The following ADAM32 variants were observed in gnomAD, a reference collection of about 807,000 sequenced individuals.
ADAM32 encodes ADAM metallopeptidase domain 32.
ADAM32 carries 89 observed loss-of-function variants against 114.9 expected under a neutral mutation model. The ratio of observed to expected loss-of-function variants is 0.77; its 90% CI spans 0.65 to 0.92. ADAM32 has a LOEUF of 0.92. Ranked by LOEUF, ADAM32 falls within the 40% of genes least tolerant of loss-of-function variation. The probability of loss-of-function intolerance (pLI) is 0.00; values close to 1 mark genes in which losing one functional copy is unlikely to be tolerated. For synonymous variants in ADAM32, 285 were observed against 307.5 expected, an observed-to-expected ratio of 0.93 and a Z score of 0.77; for missense variants, 870 against 932.8, an observed-to-expected ratio of 0.93 and a Z score of 0.88.
At chr8:39,261,783 G>T (rs1483833371) in intron 19 of ADAM32, among the ~76,000 whole-genome samples, 1 of 151,872 alleles carries the variant, frequency 6.6e-6, no homozygotes, top group Non-Finnish European at 1.5e-5. Context: ...GTTTTGATTT[G>T]CATTTCTATG....
chr8:39,153,658 G>C (rs973603210), intron 6 of ADAM32, among the ~76,000 whole-genome samples: 31 of 152,226 alleles, frequency 2.0e-4, no homozygotes, highest in African/African-American at 7.2e-4. Context: ...TTTCTCTGTG[G>C]GACTGTGTCT....
chr8:39,157,687 C>A, intron 6 of ADAM32: 1 of 839,216 alleles, frequency 1.2e-6, no homozygotes, highest in Non-Finnish European at 2.0e-6. Context: ...GCTTGGTCTG[C>A]ATCAAGACTT....
In ADAM32 at chr8:39,160,979, T is replaced by C; in HGVS notation, c.594+14T>C. ...GACAAAACTTTGGTATGTGTTTTGC[T>C]TTTTCTTTGCTTTGAAATATTTGAT... On this transcript the variant is annotated intron_variant, in intron 7 of 24. Coordinates refer to ENST00000379907, the MANE Select transcript of ADAM32 (RefSeq NM_145004.7). 1 of 1,560,146 alleles carries C rather than the reference T, an allele frequency of 6.4e-7. No individual in the cohort carries two copies. Among genetic ancestry groups the C allele is most frequent in the Non-Finnish European group, 8.7e-7 (1 of 1,151,672 alleles).
intron 10 of ADAM32, among the ~76,000 whole-genome samples, chr8:39,176,239 G>A (rs1585462050): frequency 1.3e-5 from 2 of 151,902 alleles, no homozygotes; most frequent in South Asian, 2.1e-4. Flanking sequence ...TTTGGGGTTC[G>A]GTTACTCTTG....
chr8:39,124,398 A>T (rs1801983028), intron 2 of ADAM32, among the ~76,000 whole-genome samples: 2 of 143,132 alleles, frequency 1.4e-5, no homozygotes, highest in African/African-American at 2.6e-5. Flanking sequence ...GTATAGATTT[A>T]CCACATTTTC....
At chr8:39,181,533 A>T (rs1805895599) in intron 10 of ADAM32, among the ~76,000 whole-genome samples, 1 of 152,220 alleles carries the variant, frequency 6.6e-6, no homozygotes, top group Non-Finnish European at 1.5e-5. Context: ...AATTCCGGAC[A>T]CATTAACATT....
At chr8:39,107,590 G>A (rs1839975793), upstream of ADAM32, 1 of 1,408,208 alleles carries the variant, frequency 7.1e-7, no homozygotes, top group South Asian at 1.5e-5. Context: ...TTTTAGCCTC[G>A]GGGCGCACGC....
At chr8:39,259,875 T>G (rs1052582523) in intron 19 of ADAM32, among the ~76,000 whole-genome samples, 1 of 152,232 alleles carries the variant, frequency 6.6e-6, no homozygotes, top group African/African-American at 2.4e-5. Flanking sequence ...CCACAGCCAG[T>G]ATAATGGTAT....
chr8:39,197,075 G>C, intron 11 of ADAM32, among the ~76,000 whole-genome samples: 1 of 152,092 alleles, frequency 6.6e-6, no homozygotes, highest in East Asian at 1.9e-4. Flanking sequence ...TTGGCAGGTT[G>C]TATGTGTCCA....
intron 2 of ADAM32, among the ~76,000 whole-genome samples, chr8:39,131,766 T>A (rs1802471770): frequency 6.6e-6 from 1 of 152,228 alleles, no homozygotes; most frequent in African/African-American, 2.4e-5. Flanking sequence ...CTATATTGTC[T>A]GATATTAGTA....
intron 24 of ADAM32, among the ~76,000 whole-genome samples, chr8:39,284,144 T>TG (rs1008622096): frequency 4.6e-4 from 70 of 152,140 alleles, no homozygotes; most frequent in African/African-American, 1.6e-3. Context: ...TAACTTAGTC[T>TG]GTTTTTTTTC....
At chr8:39,112,561 A>G (rs1223478347) in intron 1 of ADAM32, among the ~76,000 whole-genome samples, 1 of 152,244 alleles carries the variant, frequency 6.6e-6, no homozygotes, top group Non-Finnish European at 1.5e-5. Flanking sequence ...GTAACTTTGT[A>G]CATGAAGTCT....
intron 16 of ADAM32, among the ~76,000 whole-genome samples, chr8:39,244,088 C>T (rs76267351): frequency 0.011 from 1,645 of 152,154 alleles, 15 homozygotes; most frequent in Middle Eastern, 0.031. Context: ...CAAAGGAAAA[C>T]TGTGAAACAT....
chr8:39,199,105 A>C (rs902382821), intron 11 of ADAM32, among the ~76,000 whole-genome samples: 2 of 152,144 alleles, frequency 1.3e-5, no homozygotes, highest in African/African-American at 2.4e-5. Flanking sequence ...TCCTTTATAC[A>C]TGACTTGACA....
At chr8:39,120,878 T>G (rs1588469156) in intron 2 of ADAM32, among the ~76,000 whole-genome samples, 1 of 152,148 alleles carries the variant, frequency 6.6e-6, no homozygotes, top group African/African-American at 2.4e-5. Context: ...TTGGCTGAAT[T>G]GTGTTCTAGT....
chr8:39,215,028 A>G (rs900504636), intron 12 of ADAM32, among the ~76,000 whole-genome samples: 2 of 151,940 alleles, frequency 1.3e-5, no homozygotes, highest in African/African-American at 2.4e-5. Flanking sequence ...TGGTTTCTCT[A>G]TTCTGTTCCA....
intron 3 of ADAM32, among the ~76,000 whole-genome samples, chr8:39,142,436 G>A (rs1803219984): frequency 6.6e-6 from 1 of 152,160 alleles, no homozygotes; most frequent in South Asian, 2.1e-4. Context: ...TGTCTGTAAA[G>A]TATTTTATTT....
intron 10 of ADAM32, among the ~76,000 whole-genome samples, chr8:39,181,196 C>G (rs930792655): frequency 5.9e-5 from 9 of 152,204 alleles, no homozygotes; most frequent in African/African-American, 2.2e-4. Flanking sequence ...TGCTACTGCT[C>G]ACTCTTTGGG....
intron 9 of ADAM32, chr8:39,166,551 C>T (rs1804851611): frequency 6.6e-6 from 1 of 152,150 alleles, no homozygotes; most frequent in Admixed American, 6.6e-5. Context: ...TGGGTAGATA[C>T]CCAGTAGTGG....
Sources: allele counts gnomAD v4.1 joint callset (sites outside exome capture counted in the v4.1 genomes callset), GRCh38; gene constraint gnomAD v4.1.1; transcripts MANE v1.5; gene names NCBI Gene and HGNC (gene_info 2026-07-23, HGNC 2026-07-21).